Variants in TMEM51 observed in about 807,000 individuals in gnomAD.
TMEM51 encodes the protein transmembrane protein 51.
A neutral mutation model predicts 13.6 loss-of-function variants in TMEM51; 8 were observed. The observed-to-expected ratio is 0.59, with a 90% CI of 0.35 to 1.07. The LOEUF is 1.07. Among genes scored for constraint, TMEM51 ranks in the 50% least tolerant of loss-of-function variants. The pLI is 0.02. For missense variants in TMEM51, 279 were observed against 330.7 expected, an observed-to-expected ratio of 0.84 and a Z score of 1.21; for synonymous variants, 147 against 144.4, an observed-to-expected ratio of 1.02 and a Z score of -0.13.
intron 1 of TMEM51, among the ~76,000 whole-genome samples, chr1:15,182,316 C>G (rs1304184690): frequency 1.3e-5 from 2 of 152,352 alleles, no homozygotes; most frequent in Non-Finnish European, 2.9e-5. Flanking sequence ...GTCACTCTTC[C>G]TCTGTGAGCC....
At chr1:15,169,988 A>C (rs2100833373) in intron 1 of TMEM51, among the ~76,000 whole-genome samples, 1 of 152,272 alleles carries the variant, frequency 6.6e-6, no homozygotes, top group Non-Finnish European at 1.5e-5. Context: ...CTTTGTATTA[A>C]AGTAACAGCT....
intron 1 of TMEM51, among the ~76,000 whole-genome samples, chr1:15,164,872 G>T (rs970288417): frequency 1.4e-5 from 2 of 146,504 alleles, no homozygotes; most frequent in Admixed American, 7.1e-5. Flanking sequence ...GCACAATCTC[G>T]GCTCACTGCA....
intron 1 of TMEM51, among the ~76,000 whole-genome samples, chr1:15,172,566 G>A (rs1468392984): frequency 1.3e-5 from 2 of 152,116 alleles, no homozygotes; most frequent in Non-Finnish European, 2.9e-5. Context: ...AGACAGCCAC[G>A]GGTTAGAATT....
chr1:15,179,928 G>A (rs1377994158), intron 1 of TMEM51, among the ~76,000 whole-genome samples: 1 of 152,210 alleles, frequency 6.6e-6, no homozygotes, highest in East Asian at 1.9e-4. Context: ...CTGGGCAATG[G>A]TTACATGGAT....
chr1:15,196,800 A>G (rs1186319069), intron 1 of TMEM51, among the ~76,000 whole-genome samples: 1 of 152,260 alleles, frequency 6.6e-6, no homozygotes, highest in African/African-American at 2.4e-5. Context: ...GTGACAACAT[A>G]ATTTCAAGTC....
intron 1 of TMEM51, chr1:15,164,534 T>G: frequency 2.2e-6 from 1 of 454,134 alleles, no homozygotes; most frequent in South Asian, 1.6e-5. Flanking sequence ...TTCTTATTGA[T>G]GACATCAGCC....
Position 15,161,029 on chromosome 1 carries a change from G to A in TMEM51, c.-267+7075G>A, listed in dbSNP as rs951033247. On this transcript the variant is annotated intron_variant, in intron 1 of 3. Coordinates refer to ENST00000376008, the MANE Select transcript of TMEM51 (RefSeq NM_001136218.2). This position sits in a 1 kb window ranked among gnomAD's most constrained non-coding sequence, Gnocchi z 4.0. ...TGCAGTCTGAGCTGAAATGGGGAGCGGGGAGGGCAGGTGCAGCCGCCACCG... is the reference window on the plus strand; with the variant it reads ...TGCAGTCTGAGCTGAAATGGGGAGCAGGGAGGGCAGGTGCAGCCGCCACCG... Among the ~76,000 whole-genome samples, 2 of 151,990 alleles carry A rather than the reference G, an allele frequency of 1.3e-5. No homozygotes were observed. Among genetic ancestry groups the A allele is most frequent in the African/African-American group, 2.4e-5 (1 of 41,270 alleles).
intron 1 of TMEM51, among the ~76,000 whole-genome samples, chr1:15,209,450 C>T (rs1362522518): frequency 6.6e-6 from 1 of 152,048 alleles, no homozygotes; most frequent in Admixed American, 6.6e-5. Flanking sequence ...TGCGTTTCTT[C>T]CTAATATTAC....
chr1:15,187,491 G>A (rs1024069368), intron 1 of TMEM51, among the ~76,000 whole-genome samples: 2 of 152,168 alleles, frequency 1.3e-5, no homozygotes, highest in East Asian at 3.9e-4. Context: ...TACCATGCCC[G>A]GCCCATGGGG....
At position 15,187,835 on chromosome 1, in the gene TMEM51, C is replaced by A. The variant is rs572087389; in HGVS notation, c.-266-22655C>A. 5.3e-5 allele frequency among the ~76,000 whole-genome samples: 8 copies of A among 152,232 alleles called. 1 individual carries two copies. The East Asian group carries it at 1.6e-3, about 30-fold the overall frequency. The stretch of plus-strand genomic sequence containing the variant: ...GACCTTAGCAGCCATCCTCAAAACA[C>A]CCCGGCCAAGGAAAGAGCTCTGATA... On this transcript the variant is annotated intron_variant, in intron 1 of 3. Coordinates refer to ENST00000376008, the MANE Select transcript of TMEM51 (RefSeq NM_001136218.2).
chr1:15,187,734 A>T (rs999398693), intron 1 of TMEM51, among the ~76,000 whole-genome samples: 1 of 151,988 alleles, frequency 6.6e-6, no homozygotes, highest in African/African-American at 2.4e-5. Flanking sequence ...GGCCTAGGAG[A>T]CATTTTCCAA....
chr1:15,163,202 G>A (rs1036452343), intron 1 of TMEM51, among the ~76,000 whole-genome samples: 4 of 151,938 alleles, frequency 2.6e-5, no homozygotes, highest in African/African-American at 9.7e-5. Flanking sequence ...CACCTTATTA[G>A]GCAGCAGGGA....
At chr1:15,159,104 G>A (rs970162262) in intron 1 of TMEM51, among the ~76,000 whole-genome samples, 5 of 152,190 alleles carry the variant, frequency 3.3e-5, no homozygotes, top group African/African-American at 9.7e-5. Context: ...GCTGAGTGGT[G>A]GAGGCAGGGC....
At chr1:15,184,605 G>A (rs992322000) in intron 1 of TMEM51, among the ~76,000 whole-genome samples, 14 of 152,180 alleles carry the variant, frequency 9.2e-5, no homozygotes, top group South Asian at 4.2e-4. Flanking sequence ...AACTGATATC[G>A]TTGTCCAGGT....
intron 1 of TMEM51, among the ~76,000 whole-genome samples, chr1:15,193,575 C>CTTTCTTTCTTTTT (rs1249772503): frequency 3.4e-4 from 39 of 114,634 alleles, no homozygotes; most frequent in African/African-American, 1.4e-3. Context: ...TTCTTTCTTT[C>CTTTCTTTCTTTTT]TTTTTTTTTT....
rs1644495197 is a variant in TMEM51 at position 15,220,121 on chromosome 1, G to A, written c.*378G>A. 4.7e-6 allele frequency: 1 copy of A among 212,422 alleles called. No individual in the cohort carries two copies. Among genetic ancestry groups the A allele is most frequent in the Non-Finnish European group, 9.5e-6 (1 of 105,358 alleles). The allele number at this position is 212,422 out of a possible 1,614,324, so 13.2% of individuals were successfully genotyped here. ...TGTTTGTTTTGCTTCTACTAAGACT[G>A]TTTTGTTTCAAAAAGGAAACAAGTT... On this transcript the variant is annotated 3_prime_UTR_variant, in exon 4 of 4. Coordinates refer to ENST00000376008, the MANE Select transcript of TMEM51 (RefSeq NM_001136218.2).
chr1:15,162,430 TGG>T (rs1642812780), intron 1 of TMEM51, among the ~76,000 whole-genome samples: 2 of 152,088 alleles, frequency 1.3e-5, no homozygotes, highest in African/African-American at 4.8e-5. Context: ...CCCAAATTGC[TGG>T]GATTACAGGC....
At chr1:15,169,199 G>C (rs971680190) in intron 1 of TMEM51, among the ~76,000 whole-genome samples, 23 of 152,146 alleles carry the variant, frequency 1.5e-4, no homozygotes, top group African/African-American at 5.6e-4. Context: ...AACCCAGCCA[G>C]TCTCATTCTG....
chr1:15,211,088 A>G (rs1180562584), intron 2 of TMEM51, among the ~76,000 whole-genome samples: 1 of 152,264 alleles, frequency 6.6e-6, no homozygotes, highest in East Asian at 1.9e-4. Flanking sequence ...CCCAGTAAGA[A>G]AAAGAAAATG....
Sources: gnomAD v4.1 joint callset for allele counts (sites outside exome capture counted in the v4.1 genomes callset) on GRCh38, gnomAD v4.1.1 for gene constraint, Gnocchi (gnomAD v3.1) non-coding constraint, MANE v1.5 for transcripts, NCBI Gene and HGNC (gene_info 2026-07-23, HGNC 2026-07-21) for gene names.